The following TMEM132B variants were observed in gnomAD, a reference collection of about 807,000 sequenced individuals.
TMEM132B encodes the protein transmembrane protein 132B.
In TMEM132B, 18 loss-of-function variants were observed where a neutral mutation model predicts 90.8. The observed-to-expected ratio is 0.20, with a 90% CI of 0.14 to 0.29. TMEM132B has a LOEUF of 0.29. Among genes scored for constraint, TMEM132B ranks in the 10% least tolerant of loss-of-function variants. The pLI, the probability that TMEM132B is intolerant of heterozygous loss-of-function variation, is 1.00. For synonymous variants in TMEM132B, 504 were observed against 523.3 expected, an observed-to-expected ratio of 0.96 and a Z score of 0.50; for missense variants, 1,096 against 1,326.8, an observed-to-expected ratio of 0.83 and a Z score of 2.70.
chr12:125,364,212 T>C (rs1184822242), intron 2 of TMEM132B, among the ~76,000 whole-genome samples: 1 of 152,232 alleles, frequency 6.6e-6, no homozygotes, highest in Admixed American at 6.5e-5. Context: ...GCATGTTTTA[T>C]CTGTTAATCT....
chr12:125,473,011 G>A (rs76948600), intron 3 of TMEM132B, among the ~76,000 whole-genome samples: 11,319 of 152,154 alleles, frequency 0.074, 954 homozygotes, highest in African/African-American at 0.21. Context: ...AATAATACCC[G>A]TCATCTGTCT....
intron 1 of TMEM132B, among the ~76,000 whole-genome samples, chr12:125,331,008 A>G (rs1312321578): frequency 6.6e-6 from 1 of 152,260 alleles, no homozygotes; most frequent in Non-Finnish European, 1.5e-5. Flanking sequence ...ATTGCCCTAA[A>G]CCGCCCAAAT....
chr12:125,355,646 T>C (rs986556142), intron 2 of TMEM132B, among the ~76,000 whole-genome samples: 4 of 152,154 alleles, frequency 2.6e-5, no homozygotes, highest in African/African-American at 9.7e-5. Flanking sequence ...CCTAAGGAAA[T>C]GTGTTATTTC....
chr12:125,412,066 C>T (rs572582472), intron 2 of TMEM132B, among the ~76,000 whole-genome samples: 5 of 152,270 alleles, frequency 3.3e-5, no homozygotes, highest in East Asian at 1.9e-4. Context: ...ACTGTCTCCC[C>T]GCACTGGACC....
intron 4 of TMEM132B, among the ~76,000 whole-genome samples, chr12:125,561,492 C>A (rs1382946732): frequency 6.6e-6 from 1 of 152,040 alleles, no homozygotes; most frequent in Non-Finnish European, 1.5e-5. Flanking sequence ...GCACGTTCTG[C>A]ACATGTATCC....
chr12:125,480,972 CAT>C (rs1882023214), intron 3 of TMEM132B, among the ~76,000 whole-genome samples: 1 of 152,064 alleles, frequency 6.6e-6, no homozygotes. Flanking sequence ...AATCAATAAA[CAT>C]AATCCATCAC....
intron 1 of TMEM132B, among the ~76,000 whole-genome samples, chr12:125,253,724 G>C (rs1874368284): frequency 6.6e-6 from 1 of 152,102 alleles, no homozygotes; most frequent in African/African-American, 2.4e-5. Flanking sequence ...GTGAACCACG[G>C]TGCCTGGCCC....
chr12:125,462,997 T>A (rs1178663914), intron 3 of TMEM132B, among the ~76,000 whole-genome samples: 2 of 152,188 alleles, frequency 1.3e-5, no homozygotes, highest in Non-Finnish European at 2.9e-5. Context: ...AGCTAACTGG[T>A]CTCTATGATG....
chr12:125,468,643 A>T (rs1347387023), intron 3 of TMEM132B, among the ~76,000 whole-genome samples: 1 of 152,240 alleles, frequency 6.6e-6, no homozygotes, highest in African/African-American at 2.4e-5. Context: ...TGGCAGTATC[A>T]TACTGTTTTG....
At chr12:125,431,422 C>T (rs982712705) in intron 3 of TMEM132B, among the ~76,000 whole-genome samples, 1 of 152,086 alleles carries the variant, frequency 6.6e-6, no homozygotes, top group African/African-American at 2.4e-5. Context: ...AAGACACCAG[C>T]CCCCTGGGAA....
At chr12:125,256,170 G>T (rs1874435067) in intron 1 of TMEM132B, among the ~76,000 whole-genome samples, 1 of 152,210 alleles carries the variant, frequency 6.6e-6, no homozygotes, top group Non-Finnish European at 1.5e-5. Flanking sequence ...GCCAGCTTCA[G>T]GAATCCGCTG....
At chr12:125,335,963 G>A (rs143992483) in intron 1 of TMEM132B, among the ~76,000 whole-genome samples, 1 of 152,256 alleles carries the variant, frequency 6.6e-6, no homozygotes, top group Admixed American at 6.5e-5. Flanking sequence ...CTCCAGCCTG[G>A]GCGACAGAGC....
chr12:125,468,860 T>C (rs1380021736), intron 3 of TMEM132B, among the ~76,000 whole-genome samples: 2 of 152,234 alleles, frequency 1.3e-5, no homozygotes, highest in African/African-American at 4.8e-5. Context: ...TGGATTCTAT[T>C]GTAAATGGGA....
At chr12:125,232,426 AT>A (rs1280723368) in intron 1 of TMEM132B, among the ~76,000 whole-genome samples, 1 of 151,826 alleles carries the variant, frequency 6.6e-6, no homozygotes, top group African/African-American at 2.4e-5. Context: ...AAAAAAAATA[AT>A]TTTTTGCTTT....
chr12:125,443,788 G>GT (rs542598646), intron 3 of TMEM132B, among the ~76,000 whole-genome samples: 294 of 152,024 alleles, frequency 1.9e-3, no homozygotes, highest in African/African-American at 5.2e-3. Flanking sequence ...CAAGAAAAAT[G>GT]TTTTTTTTAA....
intron 2 of TMEM132B, among the ~76,000 whole-genome samples, chr12:125,367,967 T>C (rs1411785714): frequency 1.3e-5 from 2 of 152,202 alleles, no homozygotes; most frequent in African/African-American, 4.8e-5. Context: ...TAGTATTTGA[T>C]TTTAATTAAT....
intron 5 of TMEM132B, among the ~76,000 whole-genome samples, chr12:125,592,919 G>T (rs1885352730): frequency 6.6e-6 from 1 of 152,182 alleles, no homozygotes; most frequent in Non-Finnish European, 1.5e-5. Flanking sequence ...TTTTGTTTTT[G>T]TTGTAGCAAG....
intron 3 of TMEM132B, among the ~76,000 whole-genome samples, chr12:125,430,146 T>A (rs1358294962): frequency 6.6e-6 from 1 of 152,236 alleles, no homozygotes; most frequent in African/African-American, 2.4e-5. Flanking sequence ...ATATCCTTAA[T>A]AAAATATTAC....
At chr12:125,596,225 A>T (rs568551317) in intron 5 of TMEM132B, among the ~76,000 whole-genome samples, 2 of 152,318 alleles carry the variant, frequency 1.3e-5, no homozygotes, top group African/African-American at 4.8e-5. Flanking sequence ...TCAGAAGTTC[A>T]CACTGCCTTT....
Sources: allele counts gnomAD v4.1 joint callset (sites outside exome capture counted in the v4.1 genomes callset), GRCh38; gene constraint gnomAD v4.1.1; transcripts MANE v1.5; gene names NCBI Gene and HGNC (gene_info 2026-07-23, HGNC 2026-07-21).